RGS6: variants seen among roughly 807,000 people sequenced by gnomAD.
RGS6 encodes the protein regulator of G-protein signaling 6.
A neutral mutation model predicts 78.5 loss-of-function variants in RGS6; 30 were observed. The ratio of observed to expected loss-of-function variants is 0.38; its 90% CI spans 0.29 to 0.52. The LOEUF (loss-of-function observed/expected upper bound fraction) is 0.52, where lower values mean the gene tolerates loss of function less well. RGS6 is among the 20% of genes least tolerant of loss of function. The pLI, the probability that RGS6 is intolerant of heterozygous loss-of-function variation, is 0.85. For synonymous variants in RGS6, 206 were observed against 206.0 expected (o/e 1.00, Z 0.00); for missense variants, 495 against 609.7 (o/e 0.81, Z 1.98).
At chr14:71,980,065 C>A (rs1458475653) in intron 2 of RGS6, among the ~76,000 whole-genome samples, 1 of 134,088 alleles carries the variant, frequency 7.5e-6, no homozygotes, top group African/African-American at 2.8e-5. Flanking sequence ...TCTGTTTTAT[C>A]TGAGACTAGG....
rs71109738 is a variant in RGS6 at position 72,506,984 on chromosome 14, TAAAAAAAAAAAAAAAAA to T, written c.966-3151_966-3135del. On this transcript the variant is annotated intron_variant, in intron 13 of 17. Transcript: ENST00000553525. The stretch of plus-strand genomic sequence containing the variant: ...TAACACGGTGAAACCCTGTCTCTAC[TAAAAAAAAAAAAAAAAA>T]AAAAAAAAAAAAAAAAAATTAGCTG... 3.5e-4 allele frequency among the ~76,000 whole-genome samples: 19 copies of T among 54,402 alleles called. No individual in the cohort carries two copies. The East Asian group carries it at 4.4e-3, about 13-fold the overall frequency. 35.7% of individuals were successfully genotyped at this position (54,402 alleles called of 152,430 possible).
intron 3 of RGS6, among the ~76,000 whole-genome samples, chr14:72,387,289 C>T (rs975112494): frequency 1.3e-5 from 2 of 152,134 alleles, no homozygotes; most frequent in African/African-American, 2.4e-5. Context: ...GTGGCTGGCG[C>T]GCCTAATCCC....
chr14:72,315,074 A>T (rs2069723815), intron 2 of RGS6, among the ~76,000 whole-genome samples: 1 of 152,210 alleles, frequency 6.6e-6, no homozygotes, highest in Non-Finnish European at 1.5e-5. Flanking sequence ...ACGTATGAAG[A>T]TCGTATTTGG....
intron 13 of RGS6, among the ~76,000 whole-genome samples, chr14:72,509,620 A>G (rs1376763330): frequency 2.0e-5 from 3 of 152,200 alleles, no homozygotes; most frequent in Non-Finnish European, 4.4e-5. Context: ...TTAAATCAAT[A>G]AGTGCATGTA....
intron 3 of RGS6, among the ~76,000 whole-genome samples, chr14:72,434,087 A>C (rs912353793): frequency 1.1e-4 from 16 of 152,216 alleles, no homozygotes; most frequent in Admixed American, 2.6e-4. Flanking sequence ...TGTCATCCCC[A>C]AACTTTGGGA....
At chr14:72,118,028 T>C (rs945087785) in intron 2 of RGS6, among the ~76,000 whole-genome samples, 5 of 152,194 alleles carry the variant, frequency 3.3e-5, no homozygotes, top group Non-Finnish European at 7.4e-5. Flanking sequence ...TACAAATGAT[T>C]AAAATTGGGC....
At chr14:71,894,201 G>A in the RGS6 span, among the ~76,000 whole-genome samples, 3 of 152,018 alleles carry the variant, frequency 2.0e-5, no homozygotes, top group Non-Finnish European at 4.4e-5. Flanking sequence ...AGACTTGCTG[G>A]GCTGCCTTCT....
intron 3 of RGS6, among the ~76,000 whole-genome samples, chr14:72,386,255 G>A (rs1282397400): frequency 1.3e-5 from 2 of 151,996 alleles, no homozygotes; most frequent in Non-Finnish European, 2.9e-5. Context: ...ACTATTTGGG[G>A]GGCCGGGTGT....
At chr14:72,539,512 G>C (rs1052782493) in intron 16 of RGS6, among the ~76,000 whole-genome samples, 5 of 152,204 alleles carry the variant, frequency 3.3e-5, no homozygotes, top group Admixed American at 6.5e-5. Flanking sequence ...AGAGAAAACA[G>C]TCCTAAGGCA....
rs551485644 is a variant in RGS6, at chr14:72,035,912, T to C, written c.84+71037T>C. On this transcript the variant is annotated intron_variant, in intron 2 of 17. Transcript: ENST00000553525. The stretch of plus-strand genomic sequence containing the variant: ...TTGACGTTGTATGTGAGTACAGTTC[T>C]ATGAATTTTGACACATGTATACATT... Among the ~76,000 whole-genome samples, 22 of 152,294 alleles carry C rather than the reference T, an allele frequency of 1.4e-4. No homozygotes were observed. The South Asian group carries it at 4.6e-3, about 32-fold the overall frequency.
At chr14:72,265,837 C>T (rs923526462) in intron 2 of RGS6, among the ~76,000 whole-genome samples, 3 of 152,018 alleles carry the variant, frequency 2.0e-5, no homozygotes, top group African/African-American at 4.8e-5. Context: ...CCCTTTTCTG[C>T]TCCCTCAGCC....
chr14:72,609,262 G>A, the RGS6 span, among the ~76,000 whole-genome samples: 1 of 152,240 alleles, frequency 6.6e-6, no homozygotes, highest in Non-Finnish European at 1.5e-5. Context: ...TCTCATCAGC[G>A]ACAGGTCTCC....
chr14:72,567,100 G>A (rs927391384), downstream of RGS6, among the ~76,000 whole-genome samples: 8 of 152,200 alleles, frequency 5.3e-5, no homozygotes, highest in Admixed American at 2.0e-4. Flanking sequence ...TAATGAGAAA[G>A]CCAACACCTA....
chr14:72,169,787 C>T (rs1181854569), intron 2 of RGS6, among the ~76,000 whole-genome samples: 7 of 152,182 alleles, frequency 4.6e-5, no homozygotes, highest in African/African-American at 1.2e-4. Flanking sequence ...TTCTCCTTTT[C>T]TTCTGCCTAT....
intron 2 of RGS6, among the ~76,000 whole-genome samples, chr14:72,323,600 G>A (rs980444256): frequency 1.3e-5 from 2 of 151,172 alleles, no homozygotes; most frequent in Admixed American, 6.6e-5. Flanking sequence ...TCAGGAGTTC[G>A]TGACCTGCCT....
intron 2 of RGS6, among the ~76,000 whole-genome samples, chr14:72,109,082 T>G (rs1449957478): frequency 6.6e-6 from 1 of 152,066 alleles, no homozygotes; most frequent in East Asian, 1.9e-4. Flanking sequence ...AAAAACTTGC[T>G]TTGTAAATTT....
the RGS6 span, among the ~76,000 whole-genome samples, chr14:72,592,746 C>T: frequency 6.6e-6 from 1 of 152,206 alleles, no homozygotes; most frequent in Admixed American, 6.5e-5. Context: ...CAAGGAGACA[C>T]TCAGAAAGCC....
intron 3 of RGS6, among the ~76,000 whole-genome samples, chr14:72,390,308 G>A (rs1002735713): frequency 4.6e-5 from 7 of 152,004 alleles, no homozygotes; most frequent in African/African-American, 1.7e-4. Context: ...ATGTTGGCCA[G>A]GCTGGTCTTG....
chr14:72,508,562 CTTTTTTTTTTTT>C (rs61097187), intron 13 of RGS6, among the ~76,000 whole-genome samples: 8 of 56,474 alleles, frequency 1.4e-4, no homozygotes, highest in South Asian at 2.0e-3. Context: ...ACACAAGCTC[CTTTTTTTTTTTT>C]TTTTTTTTTT....
Sources: gnomAD v4.1 joint callset for allele counts (sites outside exome capture counted in the v4.1 genomes callset) on GRCh38, gnomAD v4.1.1 for gene constraint, MANE v1.5 for transcripts, NCBI Gene and HGNC (gene_info 2026-07-23, HGNC 2026-07-21) for gene names.